Variants in NCAM2 observed in about 807,000 individuals in gnomAD.
The protein encoded by NCAM2 is neural cell adhesion molecule 2.
In NCAM2, 30 loss-of-function variants were observed where a neutral mutation model predicts 98.1. The observed-to-expected ratio is 0.31, with a 90% CI of 0.23 to 0.41. NCAM2 has a LOEUF of 0.41. Among genes scored for constraint, NCAM2 ranks in the 10% least tolerant of loss-of-function variants. The pLI, the probability that NCAM2 is intolerant of heterozygous loss-of-function variation, is 1.00. For missense variants in NCAM2, 867 were observed against 1,005.8 expected (o/e 0.86, Z 1.87); for synonymous variants, 368 against 342.4 (o/e 1.07, Z -0.83).
At chr21:21,096,743 TG>T (rs1490929494) in intron 1 of NCAM2, among the ~76,000 whole-genome samples, 1 of 151,738 alleles carries the variant, frequency 6.6e-6, no homozygotes, top group East Asian at 1.9e-4. Flanking sequence ...GTTTATTTAA[TG>T]TTTTTGTGTG....
chr21:21,299,282 A>G (rs1229255299), intron 5 of NCAM2, among the ~76,000 whole-genome samples: 1 of 150,618 alleles, frequency 6.6e-6, no homozygotes, highest in Non-Finnish European at 1.5e-5. Flanking sequence ...AATGACCAGT[A>G]TCACCACTAT....
In NCAM2 at chr21:21,539,198, TCTTTA is replaced by T. The variant is rs1161145720; in HGVS notation, c.*1245_*1249del. ...TAGGGTTATACCAGAATAAAATGCTTCTTTACTTCCAAGCTATGCAAGCTCCCAGA... is the reference window on the plus strand; with the variant it reads ...TAGGGTTATACCAGAATAAAATGCTTCTTCCAAGCTATGCAAGCTCCCAGA... On this transcript the variant is annotated 3_prime_UTR_variant, in exon 18 of 18. Coordinates refer to ENST00000400546, the MANE Select transcript of NCAM2 (RefSeq NM_004540.5). 1.3e-5 allele frequency: 2 copies of T among 152,202 alleles called. No homozygotes were observed. The highest frequency in any genetic ancestry group is 2.4e-5 in the African/African-American group (1 of 41,474). The allele number at this position is 152,202 out of a possible 1,614,324, so 9.4% of individuals were successfully genotyped here. A position where few individuals can be genotyped will look rare whatever the true frequency, so the allele number is the denominator to read the frequency against.
At chr21:21,355,110 A>C (rs1397203902) in intron 8 of NCAM2, among the ~76,000 whole-genome samples, 1 of 152,100 alleles carries the variant, frequency 6.6e-6, no homozygotes, top group South Asian at 2.1e-4. Flanking sequence ...TCTTCCTTCC[A>C]ATAAATAGAT....
chr21:21,171,569 T>C (rs1052288634), intron 1 of NCAM2, among the ~76,000 whole-genome samples: 1 of 152,180 alleles, frequency 6.6e-6, no homozygotes, highest in Non-Finnish European at 1.5e-5. Flanking sequence ...CCCACTTTGC[T>C]GTGTTGTTTT....
intron 1 of NCAM2, among the ~76,000 whole-genome samples, chr21:21,280,036 T>A (rs191207457): frequency 6.6e-6 from 1 of 152,346 alleles, no homozygotes; most frequent in Non-Finnish European, 1.5e-5. Flanking sequence ...TTTATTGTCC[T>A]GGGTCCTTCA....
At chr21:21,186,855 A>T (rs1041677129) in intron 1 of NCAM2, among the ~76,000 whole-genome samples, 6 of 152,228 alleles carry the variant, frequency 3.9e-5, no homozygotes, top group African/African-American at 1.4e-4. Context: ...GATTGTAAAT[A>T]TACAAATCAG....
At chr21:21,394,778 T>C (rs1372409674) in intron 9 of NCAM2, among the ~76,000 whole-genome samples, 1 of 151,992 alleles carries the variant, frequency 6.6e-6, no homozygotes, top group East Asian at 1.9e-4. Context: ...TACAAAATAA[T>C]TATAAAGGTC....
At chr21:21,429,531 A>AT (rs2077284718) in intron 11 of NCAM2, among the ~76,000 whole-genome samples, 1 of 152,148 alleles carries the variant, frequency 6.6e-6, no homozygotes, top group Non-Finnish European at 1.5e-5. Context: ...AAGAATTGGC[A>AT]TTTTTTAAGG....
intron 1 of NCAM2, among the ~76,000 whole-genome samples, chr21:21,097,855 C>T (rs1317079254): frequency 6.6e-6 from 1 of 150,436 alleles, no homozygotes; most frequent in Non-Finnish European, 1.5e-5. Context: ...ATTGAACAAA[C>T]GTTCTGTGGT....
chr21:21,056,973 ATATTT>A (rs534256528), intron 1 of NCAM2, among the ~76,000 whole-genome samples: 51 of 152,084 alleles, frequency 3.4e-4, no homozygotes, highest in African/African-American at 1.2e-3. Flanking sequence ...CTGGACTGAA[ATATTT>A]TATTTTTGTT....
chr21:21,172,872 A>C (rs1264267867), intron 1 of NCAM2, among the ~76,000 whole-genome samples: 1 of 152,148 alleles, frequency 6.6e-6, no homozygotes, highest in Non-Finnish European at 1.5e-5. Flanking sequence ...TGTATATTTT[A>C]TAAAGAAGAA....
rs576626233 is a variant in NCAM2 at position 21,355,734 on chromosome 21, G to A, written c.1044+17200G>A. ...GAGTTCAAATGATTCTCCTGACATA[G>A]CCTCCGGAGTAGCTGGGACTACAGG... On this transcript the variant is annotated intron_variant, in intron 8 of 17. Transcript: ENST00000400546. Among the ~76,000 whole-genome samples the A allele has an allele frequency of 9.9e-5, 15 of 151,632 alleles. No homozygotes were observed. In the East Asian group the frequency reaches 2.6e-3, roughly 26 times the overall value.
intron 5 of NCAM2, among the ~76,000 whole-genome samples, chr21:21,297,966 G>A (rs1173440192): frequency 2.0e-5 from 3 of 151,756 alleles, no homozygotes; most frequent in African/African-American, 4.8e-5. Flanking sequence ...CAATTGTAAA[G>A]CAATTGTTTC....
intron 9 of NCAM2, among the ~76,000 whole-genome samples, chr21:21,380,895 A>G (rs904074889): frequency 1.3e-5 from 2 of 151,150 alleles, no homozygotes; most frequent in African/African-American, 2.4e-5. Flanking sequence ...TTTCATCAGA[A>G]TTAAATACCT....
intron 16 of NCAM2, among the ~76,000 whole-genome samples, chr21:21,533,166 C>CT (rs201532023): frequency 0.018 from 1,671 of 93,836 alleles, 101 homozygotes; most frequent in Non-Finnish European, 0.022. Flanking sequence ...TGTTTGCTTG[C>CT]TTTTTTTTTT....
chr21:21,076,112 A>G (rs962486745), intron 1 of NCAM2, among the ~76,000 whole-genome samples: 4 of 137,276 alleles, frequency 2.9e-5, no homozygotes, highest in African/African-American at 1.2e-4. Context: ...GTGAGACCCC[A>G]TCTCAAAAAA....
intron 1 of NCAM2, among the ~76,000 whole-genome samples, chr21:21,058,835 T>G (rs1391720068): frequency 1.3e-5 from 2 of 152,132 alleles, no homozygotes; most frequent in Non-Finnish European, 2.9e-5. Flanking sequence ...CATTCTTCAT[T>G]GTATTTCTTA....
chr21:21,132,028 G>A (rs2066946537), intron 1 of NCAM2, among the ~76,000 whole-genome samples: 1 of 152,190 alleles, frequency 6.6e-6, no homozygotes, highest in Non-Finnish European at 1.5e-5. Flanking sequence ...AAATCTGGGT[G>A]TTAGCATCTG....
chr21:21,343,314 C>T (rs146100188), intron 8 of NCAM2, among the ~76,000 whole-genome samples: 131 of 151,062 alleles, frequency 8.7e-4, no homozygotes, highest in African/African-American at 2.7e-3. Context: ...CCAATTGTCT[C>T]CCCAACCCTG....
Sources: allele counts gnomAD v4.1 joint callset (sites outside exome capture counted in the v4.1 genomes callset), GRCh38; gene constraint gnomAD v4.1.1; transcripts MANE v1.5; gene names NCBI Gene and HGNC (gene_info 2026-07-23, HGNC 2026-07-21).